NR1D1: variants seen among roughly 807,000 people sequenced by gnomAD.
The protein encoded by NR1D1 is nuclear receptor subfamily 1 group D member 1.
NR1D1 carries 17 observed loss-of-function variants against 51.1 expected under a neutral mutation model. The observed-to-expected ratio is 0.33, with a 90% confidence interval of 0.23 to 0.50. The LOEUF (loss-of-function observed/expected upper bound fraction) is 0.50, where lower values mean the gene tolerates loss of function less well. Ranked by LOEUF, NR1D1 falls within the 20% of genes least tolerant of loss-of-function variation. The pLI is 0.98. For missense variants in NR1D1, 647 were observed against 830.4 expected, an observed-to-expected ratio of 0.78 and a Z score of 2.71; for synonymous variants, 341 against 333.4, an observed-to-expected ratio of 1.02 and a Z score of -0.25.
chr17:40,097,672 C>T (rs1028433647), intron 1 of NR1D1, among the ~76,000 whole-genome samples: 2 of 152,184 alleles, frequency 1.3e-5, no homozygotes, highest in Non-Finnish European at 1.5e-5. Flanking sequence ...TATGTGCCCC[C>T]CTTCCTTAGT....
intron 6 of NR1D1, 47 bp from the exon 7 acceptor site, chr17:40,094,169 C>T: frequency 6.4e-7 from 1 of 1,559,078 alleles, no homozygotes. Context: ...GGGAGGAGCA[C>T]TGACCAAATC....
rs1281781692 is a variant in NR1D1, at chr17:40,095,972, T to C, written c.720A>G (p.Ser240=). 1.9e-6 allele frequency: 3 copies of C among 1,612,220 alleles called. No homozygotes were observed. Among genetic ancestry groups the C allele is most frequent in the Non-Finnish European group, 2.5e-6 (3 of 1,179,868 alleles). The change falls in exon 5 of 8, where the codon TCA becomes TCG. Residue 240 remains serine, a synonymous_variant. Coordinates refer to ENST00000246672, the MANE Select transcript of NR1D1 (RefSeq NM_021724.5). ...GGCCTGGGGTGGGGTGCTGGGTGGG[T>C]GAAGTCTCCAGCGGGCACTGGCTGC... ...QLSSQCPLET[S]PTQHPTPGPM...
At chr17:40,098,575 G>A (rs938980284) in intron 1 of NR1D1, among the ~76,000 whole-genome samples, 1 of 152,212 alleles carries the variant, frequency 6.6e-6, no homozygotes, top group Admixed American at 6.5e-5. Context: ...TTCCAACGTG[G>A]AAGTGAGGAG....
At position 40,095,797 on chromosome 17, in the gene NR1D1, T is replaced by C; in HGVS notation, c.895A>G (p.Ile299Val). The C allele has an allele frequency of 1.9e-6, 3 of 1,613,918 alleles. No individual in the cohort carries two copies. Among genetic ancestry groups the C allele is most frequent in the Non-Finnish European group, 2.5e-6 (3 of 1,179,966 alleles). Residue 299 changes from isoleucine (I) to valine (V), a missense_variant, in exon 5 of 8, where the codon ATC (isoleucine) becomes GTC (valine). By Grantham distance (29) the Ile-to-Val change is conservative. Around this residue, in one of 7 missense-constraint regions of NR1D1, gnomAD observed 51 missense variants for 75.9 expected, o/e 0.67. Coordinates refer to ENST00000246672, the MANE Select transcript of NR1D1 (RefSeq NM_021724.5). ...ISQVARAHRE[I>V]FTYAHDKLGS... ...AGCTTGTCATGGGCGTAGGTGAAGA[T>C]CTCTCGATGGGCCCGGGCCACCTGG...
Position 40,094,925 on chromosome 17 carries a change from G to A in NR1D1, c.1434+10C>T, listed in dbSNP as rs761722908. Reference sequence around the variant, plus strand: ...AAAAACAAAAACCAGAAGCATAAACGGTCACTCACCTCAAAGGTGCCAGCC... The same window carrying A: ...AAAAACAAAAACCAGAAGCATAAACAGTCACTCACCTCAAAGGTGCCAGCC... On this transcript the variant is annotated intron_variant, in intron 6 of 7. Transcript: ENST00000246672. 2.0e-5 allele frequency: 33 copies of A among 1,612,858 alleles called. No individual in the cohort carries two copies. The Middle Eastern group carries it at 1.3e-3, about 65-fold the overall frequency.
Position 40,095,728 on chromosome 17 carries a change from T to C in NR1D1, c.964A>G (p.Ser322Gly), listed in dbSNP as rs962112332. ...GNFNANHASG[S>G]PPATTPHRWE... Reference sequence around the variant, plus strand: ...CGATGTGGGGTGGTGGCTGGAGGGCTACCTGATGCATGGTTGGCATTGAAG... The same window carrying C: ...CGATGTGGGGTGGTGGCTGGAGGGCCACCTGATGCATGGTTGGCATTGAAG... The change falls in exon 5 of 8, where the codon AGC (serine) becomes GGC (glycine). Residue 322 changes from serine to glycine, a missense_variant. Ser to Gly is a moderately conservative substitution (Grantham distance 56, BLOSUM62 0). Around this residue, in one of 7 missense-constraint regions of NR1D1, gnomAD observed 185 missense variants for 176.3 expected, o/e 1.05. Transcript: ENST00000246672. 6.2e-6 allele frequency: 10 copies of C among 1,613,886 alleles called. No individual in the cohort carries two copies. The highest frequency in any genetic ancestry group is 1.6e-4 in the Middle Eastern group (1 of 6,082).
At position 40,097,202 on chromosome 17, in the gene NR1D1, T is replaced by C; in HGVS notation, c.233A>G (p.Asp78Gly). Residue 78 changes from aspartate to glycine, a missense_variant, in exon 2 of 8, where the codon GAC (aspartate) becomes GGC (glycine). This residue lies in a region of NR1D1 where 98 missense variants were observed against 94.7 expected (regional missense o/e 1.03). Coordinates refer to ENST00000246672, the MANE Select transcript of NR1D1 (RefSeq NM_021724.5). The stretch of plus-strand genomic sequence containing the variant: ...GGAAGATGAGGAAGAAGGGGAGCCG[T>C]CATCACTCAGGCTGGGTGGAATGCT... ...FGSIPPSLSD[D>G]GSPSSSSSSS... 1 of 1,611,498 alleles carries C rather than the reference T, an allele frequency of 6.2e-7. No individual in the cohort carries two copies.
At chr17:40,096,871 A>C in intron 2 of NR1D1, 92 bp from the exon 3 acceptor site, 1 of 1,386,432 alleles carries the variant, frequency 7.2e-7, no homozygotes. Context: ...CCAGGGAGGG[A>C]AAAGCTAAGG....
intron 4 of NR1D1, among the ~76,000 whole-genome samples, 161 bp downstream of exon 4, chr17:40,096,282 G>A (rs531281207): frequency 6.6e-6 from 1 of 151,912 alleles, no homozygotes. Flanking sequence ...GGACCAATGG[G>A]ATAGAAGTAT....
rs778950021 is a variant in NR1D1 at position 40,093,350 on chromosome 17, G to A, written c.1646-68C>T. ...CTCTGAGGAGGAACCGGAGGTCTGC[G>A]AGGACCTGGCAGGCAATGCAGCCTC... On this transcript the variant is annotated intron_variant, in intron 7 of 7. Transcript: ENST00000246672. This position sits in a 1 kb window ranked among gnomAD's most constrained non-coding sequence, Gnocchi z 5.9. 2.3e-5 allele frequency: 37 copies of A among 1,612,498 alleles called. 1 individual carries two copies. Among genetic ancestry groups the A allele is most frequent in the Admixed American group, 1.8e-4 (11 of 59,976 alleles).
At position 40,096,480 on chromosome 17, in the gene NR1D1, G is replaced by A. The variant is rs1027290156; in HGVS notation, c.567C>T (p.Arg189=). ...TGCCCACAGAGAGACACTTCTTGAA[G>A]CGACATTGCTGGCAGCGGTTGCGAT... is the stretch of plus-strand genomic sequence containing the variant. ...RINRNRCQQC[R]FKKCLSVGMS... Residue 189 remains arginine, a synonymous_variant, in exon 4 of 8, where the codon CGC becomes CGT. Transcript: ENST00000246672. The A allele has an allele frequency of 6.2e-7, 1 of 1,614,248 alleles. No individual in the cohort carries two copies. The highest frequency in any genetic ancestry group is 8.5e-7 in the Non-Finnish European group (1 of 1,180,048).
chr17:40,096,840 G>C, intron 2 of NR1D1, 61 bp from the exon 3 acceptor site: 1 of 1,529,744 alleles, frequency 6.5e-7, no homozygotes, highest in South Asian at 1.1e-5. Context: ...CACAGGTGTG[G>C]AGGCTTTCTG....
Position 40,100,138 on chromosome 17 carries a change from C to CAA in NR1D1, c.-46_-45dup, listed in dbSNP as rs761846111. On this transcript the variant is annotated 5_prime_UTR_variant, in exon 1 of 8. An upstream open reading frame in the 5' UTR gains an earlier in-frame stop. Coordinates refer to ENST00000246672, the MANE Select transcript of NR1D1 (RefSeq NM_021724.5). Reference sequence around the variant, plus strand: ...CGGTCATTCAAACTGGACCTTGACTCAAACTAGAGGTTGCGATCGCCGCTG... The same window carrying CAA: ...CGGTCATTCAAACTGGACCTTGACTCAAAAACTAGAGGTTGCGATCGCCGCTG... 1.7e-5 allele frequency: 26 copies of CAA among 1,551,492 alleles called. No individual in the cohort carries two copies. Among genetic ancestry groups the CAA allele is most frequent in the Non-Finnish European group, 2.3e-5 (26 of 1,123,288 alleles).
At chr17:40,097,636 A>G (rs1416486947) in intron 1 of NR1D1, among the ~76,000 whole-genome samples, 1 of 152,170 alleles carries the variant, frequency 6.6e-6, no homozygotes, top group African/African-American at 2.4e-5. Flanking sequence ...TTTCAGTATG[A>G]GGCATGACCC....
At chr17:40,094,162 A>AGG in intron 6 of NR1D1, 40 bp from the exon 7 acceptor site, 1 of 1,587,998 alleles carries the variant, frequency 6.3e-7, no homozygotes, top group East Asian at 2.2e-5. Context: ...GTGTGGTGGG[A>AGG]GGAGCACTGA....
At chr17:40,100,020 G>A (rs371942709) in intron 1 of NR1D1, 44 bp downstream of exon 1, 6 of 1,442,860 alleles carry the variant, frequency 4.2e-6, no homozygotes, top group Non-Finnish European at 5.8e-6. Context: ...TGGAGGTGGG[G>A]AGACAGTGAC....
Position 40,095,657 on chromosome 17 carries a change from G to C in NR1D1, c.1035C>G (p.Thr345=). Residue 345 remains threonine, a synonymous_variant, in exon 5 of 8, where the codon ACC becomes ACG. Transcript: ENST00000246672. ...CCTCGTTATGACGCTGGGCAGCCAAGGTGTTGTTGTCATTGGGGGCAGGTG... is the reference window on the plus strand; with the variant it reads ...CCTCGTTATGACGCTGGGCAGCCAACGTGTTGTTGTCATTGGGGGCAGGTG... The part of the protein sequence containing the change: ...GCPPAPNDNN[T]LAAQRHNEAL... 1 of 1,612,448 alleles carries C rather than the reference G, an allele frequency of 6.2e-7. No homozygotes were observed. Among genetic ancestry groups the C allele is most frequent in the South Asian group, 1.1e-5 (1 of 90,940 alleles).
intron 6 of NR1D1, 150 bp from the exon 7 acceptor site, chr17:40,094,272 G>A (rs910213488): frequency 7.4e-6 from 5 of 675,824 alleles, no homozygotes; most frequent in African/African-American, 5.3e-5. Flanking sequence ...GGGAGCCCAG[G>A]TGGAAGGATG....
At chr17:40,098,318 C>T (rs1567661155) in intron 1 of NR1D1, among the ~76,000 whole-genome samples, 1 of 152,218 alleles carries the variant, frequency 6.6e-6, no homozygotes, top group Non-Finnish European at 1.5e-5. Flanking sequence ...TAACACATGC[C>T]ATGCCACTGT....
Sources: gnomAD v4.1 joint callset for allele counts (sites outside exome capture counted in the v4.1 genomes callset) on GRCh38, gnomAD v4.1.1 for gene constraint, gnomAD v4.1.1 regional missense constraint, Gnocchi (gnomAD v3.1) non-coding constraint, MANE v1.5 for transcripts, NCBI Gene and HGNC (gene_info 2026-07-23, HGNC 2026-07-21) for gene names.